Variants in ABHD18 observed in about 807,000 individuals in gnomAD.
ABHD18 encodes the protein cardiolipin-specific deacylase, mitochondrial.
ABHD18 carries 55 observed loss-of-function variants against 65.9 expected under a neutral mutation model. The observed-to-expected ratio is 0.84, with a 90% confidence interval of 0.67 to 1.05. ABHD18 has a LOEUF of 1.05. ABHD18 is among the 50% of genes least tolerant of loss of function. ABHD18 has a pLI of 0.00. For synonymous variants in ABHD18, 181 were observed against 180.2 expected (o/e 1.00, Z -0.04); for missense variants, 533 against 558.5 (o/e 0.95, Z 0.46).
At chr4:127,970,167 G>A (rs1378337381) in intron 1 of ABHD18, among the ~76,000 whole-genome samples, 2 of 151,830 alleles carry the variant, frequency 1.3e-5, no homozygotes, top group East Asian at 1.9e-4. Flanking sequence ...GCAGATGTGA[G>A]CCACCACACC....
chr4:127,981,809 A>G (rs1226081844), intron 1 of ABHD18, among the ~76,000 whole-genome samples: 1 of 152,186 alleles, frequency 6.6e-6, no homozygotes, highest in African/African-American at 2.4e-5. Flanking sequence ...AACTGGGAAA[A>G]AGAGAGATGG....
intron 3 of ABHD18, among the ~76,000 whole-genome samples, chr4:127,988,072 A>G (rs892798353): frequency 6.6e-6 from 1 of 152,224 alleles, no homozygotes; most frequent in African/African-American, 2.4e-5. Flanking sequence ...ATAGGCAAAT[A>G]AGACCTAATG....
chr4:128,010,267 C>T (rs1472496115), intron 6 of ABHD18, among the ~76,000 whole-genome samples: 1 of 152,156 alleles, frequency 6.6e-6, no homozygotes, highest in Admixed American at 6.5e-5. Context: ...CAGTGGCTCA[C>T]GCCTGTAATC....
intron 4 of ABHD18, among the ~76,000 whole-genome samples, chr4:127,997,072 AT>A (rs1452022392): frequency 6.6e-6 from 1 of 152,268 alleles, no homozygotes; most frequent in Admixed American, 6.5e-5. Context: ...GGCATAAGAA[AT>A]TATAAGAGTA....
intron 1 of ABHD18, among the ~76,000 whole-genome samples, chr4:127,971,703 G>C (rs762080364): frequency 6.6e-6 from 1 of 151,798 alleles, no homozygotes; most frequent in African/African-American, 2.4e-5. Flanking sequence ...TGTTAGCCAG[G>C]GTGGTCTCAA....
At chr4:127,975,199 A>G (rs1747678952) in intron 1 of ABHD18, among the ~76,000 whole-genome samples, 1 of 152,050 alleles carries the variant, frequency 6.6e-6, no homozygotes. Context: ...TCTATAGTTC[A>G]AAGGTAAGTA....
intron 12 of ABHD18, among the ~76,000 whole-genome samples, chr4:128,031,949 A>C (rs896263122): frequency 6.6e-6 from 1 of 152,232 alleles, no homozygotes; most frequent in Admixed American, 6.5e-5. Context: ...TAGGGTTGCT[A>C]GGATTGCTTA....
At chr4:128,015,191 G>A (rs541168378) in intron 7 of ABHD18, among the ~76,000 whole-genome samples, 64 of 152,148 alleles carry the variant, frequency 4.2e-4, no homozygotes, top group South Asian at 1.9e-3. Flanking sequence ...GCTGTTGTGA[G>A]CCATGATCAA....
At chr4:128,004,425 C>T (rs1388457823) in intron 4 of ABHD18, among the ~76,000 whole-genome samples, 1 of 151,608 alleles carries the variant, frequency 6.6e-6, no homozygotes, top group African/African-American at 2.4e-5. Flanking sequence ...GCACTCCAGC[C>T]TGGGCAACAG....
At chr4:128,033,829 C>G (rs990019992) in intron 12 of ABHD18, among the ~76,000 whole-genome samples, 6 of 151,970 alleles carry the variant, frequency 3.9e-5, no homozygotes, top group Non-Finnish European at 8.8e-5. Flanking sequence ...AGCCACCGCA[C>G]CCGGCTAAAG....
chr4:127,968,344 T>G (rs1746094114), intron 1 of ABHD18, among the ~76,000 whole-genome samples: 1 of 152,254 alleles, frequency 6.6e-6, no homozygotes, highest in African/African-American at 2.4e-5. Context: ...TCTAAACCCT[T>G]TCTTAGCTAC....
chr4:128,001,395 C>A (rs1028642725), intron 4 of ABHD18, among the ~76,000 whole-genome samples: 2 of 152,098 alleles, frequency 1.3e-5, no homozygotes, highest in Non-Finnish European at 2.9e-5. Flanking sequence ...TTGAGATGAT[C>A]ATGTGGTTTT....
At chr4:127,992,407 C>T (rs1323557981) in intron 4 of ABHD18, among the ~76,000 whole-genome samples, 4 of 151,366 alleles carry the variant, frequency 2.6e-5, no homozygotes, top group Non-Finnish European at 4.4e-5. Context: ...CCTGGGAGGC[C>T]GAGGTTGCAG....
chr4:128,005,832 T>C (rs1157173837), intron 4 of ABHD18, among the ~76,000 whole-genome samples: 3 of 152,180 alleles, frequency 2.0e-5, no homozygotes, highest in East Asian at 3.8e-4. Context: ...CCTTATCTCA[T>C]CTTCTTCCCT....
At chr4:128,002,529 C>T (rs1348132344) in intron 4 of ABHD18, among the ~76,000 whole-genome samples, 1 of 151,052 alleles carries the variant, frequency 6.6e-6, no homozygotes, top group Non-Finnish European at 1.5e-5. Flanking sequence ...ATCTCCCTGC[C>T]TTGGCCTCCC....
intron 4 of ABHD18, among the ~76,000 whole-genome samples, chr4:127,991,351 G>A (rs539644715): frequency 1.2e-4 from 19 of 152,136 alleles, no homozygotes; most frequent in African/African-American, 4.3e-4. Context: ...TGCAGTCTCC[G>A]GAGTAGTTGG....
intron 4 of ABHD18, among the ~76,000 whole-genome samples, chr4:127,999,238 C>T (rs1262513755): frequency 1.3e-5 from 2 of 151,796 alleles, no homozygotes; most frequent in Admixed American, 6.6e-5. Context: ...GAGCAGAGAT[C>T]GTGCCACTGC....
At chr4:127,990,054 A>G (rs904523501) in intron 4 of ABHD18, among the ~76,000 whole-genome samples, 5 of 152,240 alleles carry the variant, frequency 3.3e-5, no homozygotes, top group Admixed American at 6.5e-5. Context: ...ATGTTCAACA[A>G]TAGGCGATTA....
intron 11 of ABHD18, among the ~76,000 whole-genome samples, chr4:128,029,354 A>T (rs977294482): frequency 2.0e-5 from 3 of 151,512 alleles, no homozygotes; most frequent in Admixed American, 6.6e-5. Context: ...CAAGACTCTC[A>T]CACACACACA....
Sources: gnomAD v4.1 joint callset for allele counts (sites outside exome capture counted in the v4.1 genomes callset) on GRCh38, gnomAD v4.1.1 for gene constraint, MANE v1.5 for transcripts, NCBI Gene and HGNC (gene_info 2026-07-23, HGNC 2026-07-21) for gene names.